The following NBPF11 variants were observed in gnomAD, a reference collection of about 807,000 sequenced individuals.
NBPF11 encodes NBPF member 11.
NBPF11 carries 72 observed loss-of-function variants against 93.9 expected under a neutral mutation model. That is an observed-to-expected ratio of 0.77 (90% CI 0.63 to 0.93). The LOEUF (loss-of-function observed/expected upper bound fraction) is 0.93, where lower values mean the gene tolerates loss of function less well. Among genes scored for constraint, NBPF11 ranks in the 40% least tolerant of loss-of-function variants. The pLI is 0.00. For synonymous variants in NBPF11, 224 were observed against 304.9 expected (o/e 0.73, Z 2.76); for missense variants, 705 against 802.2 (o/e 0.88, Z 1.46).
rs782315372 is a variant in NBPF11, at chr1:148,124,933, G to C, written c.244C>G (p.Leu82Val). ...TCAGCTTGCTTGAGCTGCTCTGCAA[G>C]CTTCTCCTCCTTGAACTGTCGCTCA... Reference protein sequence around the residue: ...RNERQFKEEKLAEQLKQAEEL... With the variant: ...RNERQFKEEKVAEQLKQAEEL... The change falls in exon 6 of 24, where the codon CTT becomes GTT. Residue 82 changes from leucine to valine, a missense_variant. Physicochemically the swap from Leu to Val is conservative, Grantham distance 32. This residue lies in a region of NBPF11 where 128 missense variants were observed against 112.8 expected (regional missense o/e 1.14). Transcript: ENST00000682118. 3 of 1,610,074 alleles carry C rather than the reference G, an allele frequency of 1.9e-6. No homozygotes were observed. In the South Asian group the frequency reaches 3.3e-5, roughly 18 times the overall value.
intron 16 of NBPF11, among the ~76,000 whole-genome samples, 190 bp downstream of exon 16, chr1:148,110,188 A>G (rs1664910822): frequency 1.3e-5 from 2 of 151,826 alleles, no homozygotes; most frequent in Admixed American, 1.3e-4. Context: ...GAAGAGAGCA[A>G]AGCTCACTGA....
At chr1:148,121,250 G>C (rs1667750419) in intron 9 of NBPF11, among the ~76,000 whole-genome samples, 1 of 151,690 alleles carries the variant, frequency 6.6e-6, no homozygotes, top group Non-Finnish European at 1.5e-5. Flanking sequence ...CGCCATCTTG[G>C]ACAGGCTGGT....
chr1:148,102,463 C>A lies in NBPF11; in HGVS notation c.*1433G>T, dbSNP rs1200666623. 8.6e-5 allele frequency: 13 copies of A among 151,716 alleles called. No individual in the cohort carries two copies. Among genetic ancestry groups the A allele is most frequent in the Non-Finnish European group, 1.5e-4 (10 of 67,988 alleles). The allele number at this position is 151,716 out of a possible 1,614,324, so 9.4% of individuals were successfully genotyped here. Reference sequence around the variant, plus strand: ...TCTAAAAGGGACAGATCTCCTAGACCCCTCCTTAACCAAGTAACCAGTCCT... The same window carrying A: ...TCTAAAAGGGACAGATCTCCTAGACACCTCCTTAACCAAGTAACCAGTCCT... On this transcript the variant is annotated 3_prime_UTR_variant, in exon 24 of 24. Coordinates refer to ENST00000682118, the MANE Select transcript of NBPF11 (RefSeq NM_001385469.3).
At chr1:148,108,846 C>CACACAG (rs1553267965) in intron 17 of NBPF11, among the ~76,000 whole-genome samples, 192 bp from the exon 18 acceptor site, 1 of 95,278 alleles carries the variant, frequency 1.0e-5, no homozygotes, top group African/African-American at 5.7e-5. Flanking sequence ...GAGAAAGACA[C>CACACAG]ACACACACAC....
intron 1 of NBPF11, among the ~76,000 whole-genome samples, chr1:148,148,881 A>G (rs1647445254): frequency 1.3e-5 from 2 of 151,566 alleles, no homozygotes; most frequent in African/African-American, 2.4e-5. Context: ...CCCCCGCCCC[A>G]GGGGCACTCC....
At chr1:148,122,026 G>A (rs1667989762) in intron 9 of NBPF11, 29 bp downstream of exon 9, 4 of 1,388,998 alleles carry the variant, frequency 2.9e-6, no homozygotes, top group East Asian at 4.6e-5. Flanking sequence ...CTAGACAGAG[G>A]TATGAGACAC....
intron 15 of NBPF11, among the ~76,000 whole-genome samples, chr1:148,111,091 C>A (rs1420930289): frequency 6.6e-6 from 1 of 151,620 alleles, no homozygotes; most frequent in Non-Finnish European, 1.5e-5. Context: ...ATAGGCGACA[C>A]CAAGAAATCT....
chr1:148,141,737 T>A (rs1266855405), intron 2 of NBPF11, among the ~76,000 whole-genome samples: 4 of 151,648 alleles, frequency 2.6e-5, no homozygotes, highest in Non-Finnish European at 5.9e-5. Context: ...TGGGCAGAAC[T>A]TGGTGATGAC....
chr1:148,125,861 G>C, intron 5 of NBPF11, among the ~76,000 whole-genome samples: 1 of 151,904 alleles, frequency 6.6e-6, no homozygotes. Context: ...TCCCTGCTTT[G>C]CACACTGCAC....
In NBPF11 at chr1:148,124,881, C is replaced by T. The variant is rs781939704; in HGVS notation, c.278+18G>A. On this transcript the variant is annotated intron_variant, in intron 6 of 23. Transcript: ENST00000682118. ...CTACACACCTACCTGCCTGTCTCCC[C>T]CTACGGGGTCCCCTCACCTGAGCTC... 3 of 1,607,656 alleles carry T rather than the reference C, an allele frequency of 1.9e-6. No individual in the cohort carries two copies. Among genetic ancestry groups the T allele is most frequent in the Admixed American group, 1.7e-5 (1 of 60,030 alleles).
Position 148,103,829 on chromosome 1 carries a change from T to C in NBPF11, c.*67A>G, listed in dbSNP as rs1662853747. ...CTGGAATGAGTCAGGTAGTTCAAAG[T>C]ACATTGATGGAGTCGAATAATATCT... On this transcript the variant is annotated 3_prime_UTR_variant, in exon 24 of 24. Transcript: ENST00000682118. The C allele has an allele frequency of 3.1e-6, 5 of 1,611,590 alleles. No individual in the cohort carries two copies. Among genetic ancestry groups the C allele is most frequent in the Admixed American group, 3.3e-5 (2 of 60,006 alleles).
chr1:148,149,416 G>C, intron 1 of NBPF11: 6 of 1,579,722 alleles, frequency 3.8e-6, no homozygotes, highest in South Asian at 2.2e-5. Flanking sequence ...TCGACTTCTC[G>C]CACGGGCTGG....
chr1:148,141,746 A>T (rs1206257444), intron 2 of NBPF11, among the ~76,000 whole-genome samples: 7 of 151,826 alleles, frequency 4.6e-5, no homozygotes, highest in African/African-American at 1.7e-4. Flanking sequence ...CTTGGTGATG[A>T]CTAGGAACCA....
At chr1:148,132,569 G>A (rs1670585919) in intron 4 of NBPF11, among the ~76,000 whole-genome samples, 1 of 149,418 alleles carries the variant, frequency 6.7e-6, no homozygotes, top group African/African-American at 2.5e-5. Context: ...TGGATCTGGA[G>A]ATCAATTTAC....
chr1:148,146,830 G>A, intron 1 of NBPF11: 1 of 1,613,696 alleles, frequency 6.2e-7, no homozygotes, highest in African/African-American at 1.3e-5. Context: ...CTTCACCTAC[G>A]ACTCCTCCGG....
intron 2 of NBPF11, among the ~76,000 whole-genome samples, chr1:148,140,536 T>C (rs1672003885): frequency 6.6e-6 from 1 of 150,746 alleles, no homozygotes; most frequent in Non-Finnish European, 1.5e-5. Context: ...GAAAAACTGC[T>C]GTCCAAAATA....
chr1:148,103,635 C>T lies in NBPF11; in HGVS notation c.*261G>A. The stretch of plus-strand genomic sequence containing the variant: ...TTCAGGTGCCTATAGGTCCTGCCTG[C>T]AGGAATGACACCTCTCGGCTTAGTA... On this transcript the variant is annotated 3_prime_UTR_variant, in exon 24 of 24. Coordinates refer to ENST00000682118, the MANE Select transcript of NBPF11 (RefSeq NM_001385469.3). The T allele has an allele frequency of 1.9e-6, 3 of 1,610,910 alleles. No individual in the cohort carries two copies. Among genetic ancestry groups the T allele is most frequent in the Non-Finnish European group, 2.5e-6 (3 of 1,179,056 alleles).
At chr1:148,121,013 T>C (rs1667696802) in intron 9 of NBPF11, among the ~76,000 whole-genome samples, 1 of 151,990 alleles carries the variant, frequency 6.6e-6, no homozygotes, top group African/African-American at 2.4e-5. Context: ...ACAAAAGATT[T>C]CATTTTGCTT....
intron 15 of NBPF11, among the ~76,000 whole-genome samples, chr1:148,111,915 C>T (rs1299223833): frequency 1.3e-5 from 2 of 150,650 alleles, no homozygotes; most frequent in African/African-American, 5.0e-5. Context: ...CATAAAGATA[C>T]TCCTCGAGAA....
Sources: gnomAD v4.1 joint callset for allele counts (sites outside exome capture counted in the v4.1 genomes callset) on GRCh38, gnomAD v4.1.1 for gene constraint, gnomAD v4.1.1 regional missense constraint, MANE v1.5 for transcripts, NCBI Gene and HGNC (gene_info 2026-07-23, HGNC 2026-07-21) for gene names.